CLSTN2: variants seen among roughly 807,000 people sequenced by gnomAD.
The protein encoded by CLSTN2 is calsyntenin-2.
In CLSTN2, 48 loss-of-function variants were observed where a neutral mutation model predicts 101.2. That is an observed-to-expected ratio of 0.47 (90% CI 0.38 to 0.60). The LOEUF (loss-of-function observed/expected upper bound fraction) is 0.60, where lower values mean the gene tolerates loss of function less well. Among genes scored for constraint, CLSTN2 ranks in the 20% least tolerant of loss-of-function variants. The probability of loss-of-function intolerance (pLI) is 0.00; values close to 1 mark genes in which losing one functional copy is unlikely to be tolerated. For synonymous variants in CLSTN2, 481 were observed against 463.6 expected (o/e 1.04, Z -0.48); for missense variants, 1,160 against 1,238.2 (o/e 0.94, Z 0.95).
intron 1 of CLSTN2, among the ~76,000 whole-genome samples, chr3:140,062,405 A>G (rs1005530631): frequency 6.6e-5 from 10 of 152,202 alleles, no homozygotes; most frequent in African/African-American, 2.4e-4. Context: ...CAATACAATT[A>G]TGAAGTATAC....
At chr3:140,375,752 C>T (rs758877933) in intron 2 of CLSTN2, among the ~76,000 whole-genome samples, 3 of 152,102 alleles carry the variant, frequency 2.0e-5, no homozygotes, top group Non-Finnish European at 4.4e-5. Flanking sequence ...ATTTGCCTTA[C>T]ATGTTGTTTT....
chr3:140,503,868 G>T, intron 8 of CLSTN2, among the ~76,000 whole-genome samples: 1 of 152,186 alleles, frequency 6.6e-6, no homozygotes, highest in East Asian at 1.9e-4. Flanking sequence ...TGGCATAGTG[G>T]TGGGGTCTCC....
At chr3:140,310,336 C>T (rs994730947) in intron 2 of CLSTN2, among the ~76,000 whole-genome samples, 26 of 151,664 alleles carry the variant, frequency 1.7e-4, no homozygotes, top group African/African-American at 5.8e-4. Context: ...CAGCCTCTGT[C>T]GCACCTCTAC....
intron 8 of CLSTN2, among the ~76,000 whole-genome samples, chr3:140,511,541 CTTTTT>C (rs59924727): frequency 2.8e-5 from 2 of 70,848 alleles, no homozygotes; most frequent in Admixed American, 1.6e-4. Context: ...TGTTTCTGGA[CTTTTT>C]TTTTTTTTTT....
chr3:140,283,619 C>T (rs1238223520), intron 2 of CLSTN2, among the ~76,000 whole-genome samples: 1 of 152,176 alleles, frequency 6.6e-6, no homozygotes, highest in Non-Finnish European at 1.5e-5. Flanking sequence ...ACATATTCTT[C>T]TTCCCAGGTC....
At chr3:140,211,766 C>T (rs1252145614) in intron 2 of CLSTN2, among the ~76,000 whole-genome samples, 1 of 151,844 alleles carries the variant, frequency 6.6e-6, no homozygotes, top group East Asian at 1.9e-4. Context: ...ACCATTTCTC[C>T]CTGAGCCCCT....
chr3:140,059,058 GGT>G (rs757153742), intron 1 of CLSTN2, among the ~76,000 whole-genome samples: 1 of 152,254 alleles, frequency 6.6e-6, no homozygotes, highest in Non-Finnish European at 1.5e-5. Context: ...GTGATGTTGG[GGT>G]GTGGGCTCTG....
intron 1 of CLSTN2, among the ~76,000 whole-genome samples, chr3:140,063,449 C>T (rs766229678): frequency 1.2e-4 from 19 of 152,080 alleles, no homozygotes; most frequent in Non-Finnish European, 1.9e-4. Context: ...CTTCACTCCG[C>T]GTCCATGCTA....
intron 2 of CLSTN2, among the ~76,000 whole-genome samples, chr3:140,297,685 G>A (rs1284704101): frequency 6.6e-6 from 1 of 152,194 alleles, no homozygotes; most frequent in Non-Finnish European, 1.5e-5. Flanking sequence ...CCTGTGGGCT[G>A]CATGTGGTCT....
intron 2 of CLSTN2, among the ~76,000 whole-genome samples, chr3:140,231,253 C>T (rs981654915): frequency 6.6e-6 from 1 of 152,128 alleles, no homozygotes; most frequent in African/African-American, 2.4e-5. Context: ...GACACACCCT[C>T]CCGTCTCCCT....
intron 1 of CLSTN2, among the ~76,000 whole-genome samples, chr3:140,017,160 A>T (rs1317781150): frequency 6.6e-6 from 1 of 152,106 alleles, no homozygotes; most frequent in African/African-American, 2.4e-5. Context: ...AAATGTCTGG[A>T]AGTCCTATTA....
At chr3:140,350,039 A>G (rs779614392) in intron 2 of CLSTN2, among the ~76,000 whole-genome samples, 22 of 152,230 alleles carry the variant, frequency 1.4e-4, no homozygotes, top group Non-Finnish European at 2.8e-4. Context: ...AAGAGTCAGG[A>G]GTTAGACAAA....
Position 140,299,287 on chromosome 3 carries a change from G to T in CLSTN2, c.233-104342G>T, listed in dbSNP as rs12633096. On this transcript the variant is annotated intron_variant, in intron 2 of 16. Coordinates refer to ENST00000458420, the MANE Select transcript of CLSTN2 (RefSeq NM_022131.3). ...TTTGAGTGATTATGTGGGCACCCCT[G>T]GTTCCCAGCCGTTGTCCTTAACCAA... Among the ~76,000 whole-genome samples the T allele has an allele frequency of 7.1e-4, 108 of 152,278 alleles. 1 individual carries two copies. In the East Asian group the frequency reaches 0.02, roughly 28 times the overall value.
intron 2 of CLSTN2, among the ~76,000 whole-genome samples, chr3:140,308,372 G>C (rs2087134146): frequency 6.6e-6 from 1 of 152,176 alleles, no homozygotes; most frequent in Admixed American, 6.5e-5. Context: ...TCAATATCAA[G>C]GAAGGTAGCA....
At chr3:140,027,915 C>T (rs1362898345) in intron 1 of CLSTN2, among the ~76,000 whole-genome samples, 1 of 152,226 alleles carries the variant, frequency 6.6e-6, no homozygotes, top group Non-Finnish European at 1.5e-5. Context: ...TTGCCACTGA[C>T]TCGCTTGGTA....
intron 4 of CLSTN2, among the ~76,000 whole-genome samples, chr3:140,405,487 A>T (rs2088293029): frequency 6.6e-6 from 1 of 152,160 alleles, no homozygotes; most frequent in Non-Finnish European, 1.5e-5. Flanking sequence ...TCGGCCTCCC[A>T]AAGTGCTGGG....
At chr3:140,438,050 C>T (rs2088705712) in intron 5 of CLSTN2, among the ~76,000 whole-genome samples, 1 of 152,100 alleles carries the variant, frequency 6.6e-6, no homozygotes, top group Non-Finnish European at 1.5e-5. Flanking sequence ...TTAGATAGGG[C>T]CATGTGATTA....
chr3:140,049,007 ACCCC>A (rs1459955597), intron 1 of CLSTN2, among the ~76,000 whole-genome samples: 1 of 150,918 alleles, frequency 6.6e-6, no homozygotes, highest in African/African-American at 2.4e-5. Context: ...GTCTTTGCAC[ACCCC>A]CTCCCCCCAT....
At chr3:140,022,383 C>G (rs1374332488) in intron 1 of CLSTN2, among the ~76,000 whole-genome samples, 1 of 152,166 alleles carries the variant, frequency 6.6e-6, no homozygotes, top group Admixed American at 6.5e-5. Flanking sequence ...AGTTCACATG[C>G]GATGTGCAAG....
Sources: gnomAD v4.1 joint callset for allele counts (sites outside exome capture counted in the v4.1 genomes callset) on GRCh38, gnomAD v4.1.1 for gene constraint, MANE v1.5 for transcripts, NCBI Gene and HGNC (gene_info 2026-07-23, HGNC 2026-07-21) for gene names.